ZNF695: variants seen among roughly 807,000 people sequenced by gnomAD.
The protein encoded by ZNF695 is zinc finger protein 695, also known as zinc finger protein SBZF3.
In ZNF695, 11 loss-of-function variants were observed where a neutral mutation model predicts 11.2. The observed-to-expected ratio is 0.98, with a 90% CI of 0.62 to 1.62. The LOEUF (loss-of-function observed/expected upper bound fraction) is 1.62. Ranked by LOEUF, ZNF695 falls within the 40% of genes most tolerant of loss-of-function variation. ZNF695 has a pLI of 0.00. For synonymous variants in ZNF695, 190 were observed against 201.4 expected (o/e 0.94, Z 0.48); for missense variants, 559 against 590.5 (o/e 0.95, Z 0.55).
Position 246,986,023 on chromosome 1 carries a change from A to C in ZNF695, c.*944T>G. On this transcript the variant is annotated 3_prime_UTR_variant, in exon 4 of 4. Coordinates refer to ENST00000339986, the MANE Select transcript of ZNF695 (RefSeq NM_020394.5). The stretch of plus-strand genomic sequence containing the variant: ...TGAATTACATAAATATGTGATTTTC[A>C]AAAAAGCTAAAACTCTTTCAGTGCA... 2 of 984,424 alleles carry C rather than the reference A, an allele frequency of 2.0e-6. No homozygotes were observed. The highest frequency in any genetic ancestry group is 2.4e-6 in the Non-Finnish European group (2 of 829,064). The allele number at this position is 984,424 out of a possible 1,614,324, so 61.0% of individuals were successfully genotyped here. A position where few individuals can be genotyped will look rare whatever the true frequency, so the allele number is the denominator to read the frequency against.
intron 4 of ZNF695, among the ~76,000 whole-genome samples, chr1:246,978,217 C>G (rs1668617552): frequency 6.6e-6 from 1 of 152,112 alleles, no homozygotes. Context: ...TGAAAAAACC[C>G]TCAAATTCAG....
At chr1:246,961,614 C>T (rs527647860) in intron 5 of ZNF695, among the ~76,000 whole-genome samples, 29 of 152,276 alleles carry the variant, frequency 1.9e-4, no homozygotes, top group African/African-American at 6.7e-4. Flanking sequence ...CTACTGAATT[C>T]ACCTACTCCC....
chr1:246,950,341 T>C (rs1348695366), intron 5 of ZNF695, among the ~76,000 whole-genome samples: 2 of 152,136 alleles, frequency 1.3e-5, no homozygotes, highest in African/African-American at 4.8e-5. Context: ...TTTGATTATA[T>C]ATAATCCTTT....
chr1:246,964,549 T>C lies in ZNF695; in HGVS notation c.488+3146A>G, dbSNP rs115104106. Among the ~76,000 whole-genome samples, 662 of 152,372 alleles carry C rather than the reference T, an allele frequency of 4.3e-3. 6 individuals are homozygous for C. The highest frequency in any genetic ancestry group is 0.015 in the African/African-American group (640 of 41,598). ...GAGACAAATATTGCTATGGTTTGAATGTTTGTCTCTTCAGAAACTCATGTT... is the reference window on the plus strand; with the variant it reads ...GAGACAAATATTGCTATGGTTTGAACGTTTGTCTCTTCAGAAACTCATGTT... On this transcript the variant is annotated intron_variant, in intron 5 of 5. Coordinates refer to the ZNF695 transcript ENST00000487338.
exon 5 of ZNF695, chr1:246,967,737 A>G: frequency 2.5e-6 from 1 of 400,744 alleles, no homozygotes; most frequent in South Asian, 1.9e-5. Flanking sequence ...GGGAGGCCTC[A>G]GGAAACTTAG....
chr1:246,976,671 G>A (rs1389549245), intron 4 of ZNF695, among the ~76,000 whole-genome samples: 1 of 152,006 alleles, frequency 6.6e-6, no homozygotes, highest in Non-Finnish European at 1.5e-5. Flanking sequence ...GCGGGCACCT[G>A]TAGTCCCAGC....
chr1:246,963,163 C>T (rs544314682), intron 5 of ZNF695, among the ~76,000 whole-genome samples: 33 of 152,310 alleles, frequency 2.2e-4, no homozygotes, highest in South Asian at 1.0e-3. Flanking sequence ...TTCCCTCATC[C>T]GGAAGTGGCC....
rs909772872 is a variant in ZNF695, at chr1:247,007,978, G to C, written c.-70C>G. The C allele has an allele frequency of 7.0e-7, 1 of 1,429,446 alleles. No individual in the cohort carries two copies. The highest frequency in any genetic ancestry group is 2.3e-5 in the Admixed American group (1 of 43,684). The allele number at this position is 1,429,446 out of a possible 1,614,324, so 88.5% of individuals were successfully genotyped here. The stretch of plus-strand genomic sequence containing the variant: ...AATACCTGCAGGCCACAGGGCGATG[G>C]AGCCTGCGGCAGTCACCCGGGACTC... On this transcript the variant is annotated 5_prime_UTR_variant, in exon 1 of 4. Transcript: ENST00000339986.
At chr1:246,981,329 A>G (rs1668707305), downstream of ZNF695, among the ~76,000 whole-genome samples, 1 of 152,240 alleles carries the variant, frequency 6.6e-6, no homozygotes, top group African/African-American at 2.4e-5. Context: ...GATTTCCGCA[A>G]AAAAATTCAA....
chr1:246,978,513 C>G (rs779202437), intron 4 of ZNF695, among the ~76,000 whole-genome samples: 1 of 152,016 alleles, frequency 6.6e-6, no homozygotes, highest in Non-Finnish European at 1.5e-5. Context: ...AAAGGTGATC[C>G]CAGGAACAGA....
intron 3 of ZNF695, among the ~76,000 whole-genome samples, chr1:246,998,715 C>T (rs1669275650): frequency 6.6e-6 from 1 of 152,174 alleles, no homozygotes; most frequent in Non-Finnish European, 1.5e-5. Context: ...CGCCTGTAAT[C>T]CCGGCACTTT....
intron 3 of ZNF695, among the ~76,000 whole-genome samples, chr1:246,991,786 G>A (rs998421941): frequency 6.6e-6 from 1 of 152,106 alleles, no homozygotes; most frequent in African/African-American, 2.4e-5. Flanking sequence ...GCCAAAGAAA[G>A]GAAATAGGTA....
At chr1:246,945,705 G>A in exon 6 of ZNF695, 3 of 1,373,082 alleles carry the variant, frequency 2.2e-6, no homozygotes, top group Non-Finnish European at 3.0e-6. Flanking sequence ...TCAGAACTCG[G>A]GCTGACGCAG....
chr1:246,976,580 G>A (rs1445332719), intron 4 of ZNF695, among the ~76,000 whole-genome samples: 1 of 151,670 alleles, frequency 6.6e-6, no homozygotes, highest in East Asian at 1.9e-4. Context: ...AGATCACGAG[G>A]TGAGGAGATC....
intron 5 of ZNF695, among the ~76,000 whole-genome samples, chr1:246,961,913 C>T (rs1013864583): frequency 4.6e-5 from 7 of 152,204 alleles, no homozygotes; most frequent in African/African-American, 7.2e-5. Flanking sequence ...ATCTCAAGAA[C>T]GCAGAGGCAT....
chr1:246,959,326 TATATATATATATATATATATATATAA>T (rs1668103195), intron 5 of ZNF695, among the ~76,000 whole-genome samples: 2 of 50,282 alleles, frequency 4.0e-5, no homozygotes, highest in East Asian at 8.8e-4. Context: ...TATATATATA[TATATATATATATATATATATATATAA>T]AATCTCTTTT....
At position 246,999,895 on chromosome 1, in the gene ZNF695, A is replaced by T; in HGVS notation, c.166+17T>A. 6.2e-7 allele frequency: 1 copy of T among 1,612,676 alleles called. No homozygotes were observed. Among genetic ancestry groups the T allele is most frequent in the Non-Finnish European group, 8.5e-7 (1 of 1,179,192 alleles). ...TCCCAGAAAACATTCTACAAAGGAA[A>T]AAGATGAAATCCTTACTGTGAAATA... On this transcript the variant is annotated intron_variant, in intron 2 of 3. Coordinates refer to ENST00000339986, the MANE Select transcript of ZNF695 (RefSeq NM_020394.5).
At chr1:246,977,022 A>G (rs950277284) in intron 4 of ZNF695, among the ~76,000 whole-genome samples, 19 of 152,152 alleles carry the variant, frequency 1.2e-4, no homozygotes, top group Non-Finnish European at 2.9e-5. Context: ...TACAAAGTCA[A>G]CCTCAGATCA....
chr1:246,979,343 C>A (rs1337556429), intron 4 of ZNF695, among the ~76,000 whole-genome samples: 2 of 152,148 alleles, frequency 1.3e-5, no homozygotes, highest in African/African-American at 4.8e-5. Context: ...GGACCACACC[C>A]AGACTTAGAA....
Sources: gnomAD v4.1 joint callset for allele counts (sites outside exome capture counted in the v4.1 genomes callset) on GRCh38, gnomAD v4.1.1 for gene constraint, MANE v1.5 for transcripts, NCBI Gene and HGNC (gene_info 2026-07-23, HGNC 2026-07-21) for gene names.